GRIA1: variants seen among roughly 807,000 people sequenced by gnomAD.
GRIA1 encodes glutamate receptor 1.
A neutral mutation model predicts 99.2 loss-of-function variants in GRIA1; 31 were observed. The ratio of observed to expected loss-of-function variants is 0.31; its 90% CI spans 0.23 to 0.42. The LOEUF (loss-of-function observed/expected upper bound fraction) is 0.42, where lower values mean the gene tolerates loss of function less well. Among genes scored for constraint, GRIA1 ranks in the 10% least tolerant of loss-of-function variants. The pLI is 1.00. For synonymous variants in GRIA1, 438 were observed against 432.4 expected, an observed-to-expected ratio of 1.01 and a Z score of -0.16; for missense variants, 782 against 1,157.5, an observed-to-expected ratio of 0.68 and a Z score of 4.71.
intron 2 of GRIA1, among the ~76,000 whole-genome samples, chr5:153,629,585 C>A (rs551459225): frequency 6.6e-6 from 1 of 152,232 alleles, no homozygotes; most frequent in African/African-American, 2.4e-5. Context: ...GATTTGGAAG[C>A]GGTACTTGGG....
At chr5:153,603,701 A>G (rs1765205562) in intron 2 of GRIA1, among the ~76,000 whole-genome samples, 1 of 152,186 alleles carries the variant, frequency 6.6e-6, no homozygotes, top group South Asian at 2.1e-4. Flanking sequence ...TGGCCTCACC[A>G]ATGTGGTGTC....
intron 11 of GRIA1, among the ~76,000 whole-genome samples, chr5:153,760,342 G>GTATA (rs1052503330): frequency 1.3e-5 from 2 of 151,906 alleles, no homozygotes; most frequent in Non-Finnish European, 2.9e-5. Context: ...AAGTTGCAGG[G>GTATA]TATAAAATCA....
rs142877826 is a variant in GRIA1 at position 153,692,290 on chromosome 5, C to A, written c.1135-5754C>A. Among the ~76,000 whole-genome samples the A allele has an allele frequency of 2.7e-3, 418 of 152,282 alleles. 1 individual carries two copies. The highest frequency in any genetic ancestry group is 9.6e-3 in the African/African-American group (398 of 41,560). On this transcript the variant is annotated intron_variant, in intron 8 of 15. Transcript: ENST00000285900. Reference sequence around the variant, plus strand: ...GTACTTTTCATGGTGCTTATTCCTTCTGATATATTTTTATTGGTTGATTGA... The same window carrying A: ...GTACTTTTCATGGTGCTTATTCCTTATGATATATTTTTATTGGTTGATTGA...
At chr5:153,505,783 T>C (rs1755432549) in intron 2 of GRIA1, among the ~76,000 whole-genome samples, 1 of 152,176 alleles carries the variant, frequency 6.6e-6, no homozygotes. Flanking sequence ...AATGAATACA[T>C]TTACAAATAA....
intron 11 of GRIA1, among the ~76,000 whole-genome samples, chr5:153,726,951 C>G (rs1282953839): frequency 6.6e-6 from 1 of 152,120 alleles, no homozygotes; most frequent in Non-Finnish European, 1.5e-5. Context: ...AATTTTAGAC[C>G]AACATCCTTG....
In GRIA1 at chr5:153,734,510, T is replaced by C. The variant is rs78335407; in HGVS notation, c.1823+28443T>C. 9.3e-3 allele frequency among the ~76,000 whole-genome samples: 1,418 copies of C among 152,304 alleles called. 14 individuals are homozygous for C. The highest frequency in any genetic ancestry group is 0.032 in the African/African-American group (1,336 of 41,552). ...GGCTCTGTCCATAACTTATATCAGT[T>C]CACCATATAGTTATGTAAATGCTCT... On this transcript the variant is annotated intron_variant, in intron 11 of 15. Coordinates refer to ENST00000285900, the MANE Select transcript of GRIA1 (RefSeq NM_000827.4).
chr5:153,513,018 G>A (rs1392219153), intron 2 of GRIA1, among the ~76,000 whole-genome samples: 2 of 152,182 alleles, frequency 1.3e-5, no homozygotes, highest in Non-Finnish European at 2.9e-5. Flanking sequence ...TGGCAAGTCA[G>A]GAAGAGAACC....
In GRIA1 at chr5:153,502,484, A is replaced by G. The variant is rs576173793; in HGVS notation, c.220+8419A>G. On this transcript the variant is annotated intron_variant, in intron 2 of 15. Transcript: ENST00000285900. Reference sequence around the variant, plus strand: ...GGGGGTGAAAATCAGGTGTAAGTCCAATTGAAAGCTCATTTTAGCTCCCGC... The same window carrying G: ...GGGGGTGAAAATCAGGTGTAAGTCCGATTGAAAGCTCATTTTAGCTCCCGC... 3.3e-5 allele frequency among the ~76,000 whole-genome samples: 5 copies of G among 152,304 alleles called. No homozygotes were observed. The East Asian group carries it at 9.7e-4, about 29-fold the overall frequency.
At chr5:153,501,408 T>C (rs1166835484) in intron 2 of GRIA1, among the ~76,000 whole-genome samples, 1 of 152,104 alleles carries the variant, frequency 6.6e-6, no homozygotes, top group Non-Finnish European at 1.5e-5. Context: ...AATAGGTGCT[T>C]GAGCTGAGGA....
chr5:153,535,799 A>G (rs1758514168), intron 2 of GRIA1, among the ~76,000 whole-genome samples: 1 of 152,208 alleles, frequency 6.6e-6, no homozygotes. Context: ...ATCACCCAGA[A>G]AGAGACCAAG....
chr5:153,684,804 C>A (rs907537925), intron 7 of GRIA1, among the ~76,000 whole-genome samples: 2 of 152,202 alleles, frequency 1.3e-5, no homozygotes, highest in African/African-American at 2.4e-5. Flanking sequence ...ATAGCCCAGA[C>A]ATTTATGGAG....
At chr5:153,592,111 A>T (rs1012124481) in intron 2 of GRIA1, among the ~76,000 whole-genome samples, 5 of 152,176 alleles carry the variant, frequency 3.3e-5, no homozygotes, top group African/African-American at 4.8e-5. Context: ...GTTGGGGAGG[A>T]GTATGGCCAT....
At chr5:153,648,051 C>T (rs1237006109) in intron 3 of GRIA1, among the ~76,000 whole-genome samples, 4 of 152,274 alleles carry the variant, frequency 2.6e-5, no homozygotes, top group East Asian at 1.9e-4. Flanking sequence ...AAATGGGTCA[C>T]GCAAGACCTG....
In GRIA1 at chr5:153,604,510, T is replaced by C. The variant is rs563802041; in HGVS notation, c.221-42418T>C. On this transcript the variant is annotated intron_variant, in intron 2 of 15. Transcript: ENST00000285900. ...GGCAAAACTATATAGCACACTGTTT[T>C]ATCACAAAGGTAACACTCAGCCAAG... 3.3e-5 allele frequency among the ~76,000 whole-genome samples: 5 copies of C among 152,314 alleles called. No individual in the cohort carries two copies. In the South Asian group the frequency reaches 6.2e-4, roughly 19 times the overall value.
intron 8 of GRIA1, among the ~76,000 whole-genome samples, chr5:153,687,255 C>A (rs1757406312): frequency 6.6e-6 from 1 of 152,166 alleles, no homozygotes; most frequent in African/African-American, 2.4e-5. Flanking sequence ...TGGTAGGGTG[C>A]CATGGATCAG....
chr5:153,776,764 C>T (rs1174902277), intron 13 of GRIA1, among the ~76,000 whole-genome samples: 1 of 152,092 alleles, frequency 6.6e-6, no homozygotes, highest in South Asian at 2.1e-4. Flanking sequence ...GGCTATGAGT[C>T]GGGAAGAGGT....
intron 8 of GRIA1, among the ~76,000 whole-genome samples, chr5:153,697,361 A>G (rs1033828407): frequency 7.2e-5 from 11 of 152,236 alleles, no homozygotes; most frequent in African/African-American, 2.7e-4. Context: ...GTTTTAGCTC[A>G]GAGCCTTGTG....
intron 13 of GRIA1, among the ~76,000 whole-genome samples, chr5:153,789,756 G>A (rs577766061): frequency 2.0e-5 from 3 of 152,272 alleles, no homozygotes; most frequent in South Asian, 2.1e-4. Context: ...TTTACACATA[G>A]GAATCTGAGG....
intron 11 of GRIA1, among the ~76,000 whole-genome samples, chr5:153,750,267 T>A (rs892614641): frequency 1.3e-5 from 2 of 152,156 alleles, no homozygotes. Context: ...TTAGTCAAGA[T>A]GGACTTTTTT....
Sources: gnomAD v4.1 joint callset for allele counts (sites outside exome capture counted in the v4.1 genomes callset) on GRCh38, gnomAD v4.1.1 for gene constraint, MANE v1.5 for transcripts, NCBI Gene and HGNC (gene_info 2026-07-23, HGNC 2026-07-21) for gene names.